Variants in SLC4A10 observed in about 807,000 individuals in gnomAD.
The protein encoded by SLC4A10 is sodium-driven chloride bicarbonate exchanger.
SLC4A10 carries 42 observed loss-of-function variants against 137.7 expected under a neutral mutation model. The ratio of observed to expected loss-of-function variants is 0.30; its 90% confidence interval spans 0.24 to 0.39. The LOEUF (loss-of-function observed/expected upper bound fraction) is 0.39, where lower values mean the gene tolerates loss of function less well. Among genes scored for constraint, SLC4A10 ranks in the 10% least tolerant of loss-of-function variants. The pLI, the probability that SLC4A10 is intolerant of heterozygous loss-of-function variation, is 1.00. For missense variants in SLC4A10, 925 were observed against 1,355.0 expected, an observed-to-expected ratio of 0.68 and a Z score of 4.98; for synonymous variants, 474 against 464.1, an observed-to-expected ratio of 1.02 and a Z score of -0.27.
chr2:161,863,058 A>G lies in SLC4A10; in HGVS notation c.762A>G (p.Lys254=), dbSNP rs2060523613. 4 of 1,613,476 alleles carry G rather than the reference A, an allele frequency of 2.5e-6. No individual in the cohort carries two copies. The highest frequency in any genetic ancestry group is 3.4e-6 in the Non-Finnish European group (4 of 1,179,662). The part of the protein sequence containing the change: ...KKQSEPNSMD[K]NAGQVVSPQS... Reference sequence around the variant, plus strand: ...AGTCAGAACCAAATTCCATGGACAAAAATGGTAAATGTTTATTTATTGTGC... The same window carrying G: ...AGTCAGAACCAAATTCCATGGACAAGAATGGTAAATGTTTATTTATTGTGC... The change falls in exon 6 of 27, where the codon AAA becomes AAG. Residue 254 remains lysine, a synonymous_variant. Coordinates refer to ENST00000446997, the MANE Select transcript of SLC4A10 (RefSeq NM_001178015.2).
chr2:161,653,016 G>A (rs752022843), intron 1 of SLC4A10, among the ~76,000 whole-genome samples: 45 of 151,656 alleles, frequency 3.0e-4, no homozygotes, highest in Non-Finnish European at 5.4e-4. Flanking sequence ...CCAATCCCTC[G>A]AGAGGCCTCA....
chr2:161,867,707 C>T (rs2060849597), intron 6 of SLC4A10, among the ~76,000 whole-genome samples: 1 of 152,096 alleles, frequency 6.6e-6, no homozygotes, highest in African/African-American at 2.4e-5. Context: ...GCATACTTCT[C>T]ATGTTTTTGA....
intron 1 of SLC4A10, among the ~76,000 whole-genome samples, chr2:161,718,913 A>G (rs888933283): frequency 2.6e-5 from 4 of 151,684 alleles, no homozygotes; most frequent in Admixed American, 6.6e-5. Flanking sequence ...TGTTTTTTTT[A>G]TTATTATACT....
intron 1 of SLC4A10, among the ~76,000 whole-genome samples, chr2:161,669,011 C>A (rs2039400277): frequency 6.6e-6 from 1 of 151,842 alleles, no homozygotes; most frequent in Non-Finnish European, 1.5e-5. Flanking sequence ...TCTTTTCCCT[C>A]TTTTAAATGA....
intron 5 of SLC4A10, among the ~76,000 whole-genome samples, chr2:161,855,426 G>A (rs1200105072): frequency 2.6e-5 from 4 of 151,840 alleles, no homozygotes; most frequent in South Asian, 4.1e-4. Flanking sequence ...GAAAATTAAA[G>A]GAAAAAACCT....
chr2:161,646,534 A>G (rs1385875741), intron 1 of SLC4A10, among the ~76,000 whole-genome samples: 3 of 151,986 alleles, frequency 2.0e-5, no homozygotes, highest in Admixed American at 6.6e-5. Flanking sequence ...TTTTCACACT[A>G]TTGTTCCACA....
At chr2:161,696,166 G>T (rs1350900963) in intron 1 of SLC4A10, among the ~76,000 whole-genome samples, 1 of 150,620 alleles carries the variant, frequency 6.6e-6, no homozygotes, top group African/African-American at 2.4e-5. Flanking sequence ...TGTGGTGTTT[G>T]TTTTTTTGTC....
At chr2:161,766,855 A>AT (rs1405134067) in intron 1 of SLC4A10, among the ~76,000 whole-genome samples, 1 of 151,004 alleles carries the variant, frequency 6.6e-6, no homozygotes, top group Non-Finnish European at 1.5e-5. Flanking sequence ...CCATTCATAC[A>AT]TTTCTTTAAC....
intron 23 of SLC4A10, among the ~76,000 whole-genome samples, chr2:161,972,207 T>C (rs543367193): frequency 7.8e-6 from 1 of 128,080 alleles, no homozygotes; most frequent in South Asian, 2.7e-4. Flanking sequence ...CTTTCTCCTA[T>C]CTTGTCTTAC....
At chr2:161,789,914 T>C (rs780849367) in intron 2 of SLC4A10, among the ~76,000 whole-genome samples, 9 of 152,156 alleles carry the variant, frequency 5.9e-5, no homozygotes, top group Non-Finnish European at 8.8e-5. Context: ...AATCTTTACA[T>C]AAGGTAGGTC....
intron 11 of SLC4A10, among the ~76,000 whole-genome samples, chr2:161,897,752 G>C (rs1330585180): frequency 1.3e-5 from 2 of 152,004 alleles, no homozygotes; most frequent in Non-Finnish European, 2.9e-5. Context: ...TGTACTTGTA[G>C]AATACATCTT....
intron 2 of SLC4A10, among the ~76,000 whole-genome samples, chr2:161,780,416 C>A (rs1436775039): frequency 3.3e-5 from 5 of 151,944 alleles, no homozygotes; most frequent in African/African-American, 9.7e-5. Flanking sequence ...CTGAATGGCT[C>A]ACTTGTTAGC....
chr2:161,695,655 T>C (rs2042409829), intron 1 of SLC4A10, among the ~76,000 whole-genome samples: 1 of 152,184 alleles, frequency 6.6e-6, no homozygotes, highest in South Asian at 2.1e-4. Context: ...GTTGCACTTA[T>C]ATCTCTCTGC....
chr2:161,816,047 T>C (rs1312495287), intron 3 of SLC4A10, among the ~76,000 whole-genome samples: 1 of 152,118 alleles, frequency 6.6e-6, no homozygotes, highest in Non-Finnish European at 1.5e-5. Context: ...TCATCCTTAT[T>C]CCACACTCAG....
At chr2:161,691,068 A>G (rs900210773) in intron 1 of SLC4A10, among the ~76,000 whole-genome samples, 2 of 152,168 alleles carry the variant, frequency 1.3e-5, no homozygotes, top group Admixed American at 1.3e-4. Flanking sequence ...ATATAGGTAC[A>G]TACATATCTT....
intron 6 of SLC4A10, among the ~76,000 whole-genome samples, chr2:161,863,677 A>C (rs952536696): frequency 6.6e-6 from 1 of 152,158 alleles, no homozygotes; most frequent in African/African-American, 2.4e-5. Flanking sequence ...AACATAGATG[A>C]CCACCATTGT....
chr2:161,625,573 C>A (rs1056559121), intron 1 of SLC4A10, among the ~76,000 whole-genome samples: 3 of 152,096 alleles, frequency 2.0e-5, no homozygotes, highest in African/African-American at 7.2e-5. Context: ...ACCCACCTTG[C>A]GCGGAAGGGA....
chr2:161,869,890 A>C (rs1353529108), intron 6 of SLC4A10, among the ~76,000 whole-genome samples: 1 of 151,462 alleles, frequency 6.6e-6, no homozygotes, highest in East Asian at 1.9e-4. Flanking sequence ...AGTAGTTTTT[A>C]TGGCTTTTTA....
intron 2 of SLC4A10, among the ~76,000 whole-genome samples, chr2:161,787,508 A>C (rs962626930): frequency 3.9e-5 from 6 of 152,122 alleles, no homozygotes; most frequent in African/African-American, 1.4e-4. Flanking sequence ...TCCTTTAAAT[A>C]TGTTTCCAAA....
Sources: gnomAD v4.1 joint callset for allele counts (sites outside exome capture counted in the v4.1 genomes callset) on GRCh38, gnomAD v4.1.1 for gene constraint, MANE v1.5 for transcripts, NCBI Gene and HGNC (gene_info 2026-07-23, HGNC 2026-07-21) for gene names.